The following ZDHHC14 variants were observed in gnomAD, a reference collection of about 807,000 sequenced individuals.
ZDHHC14 encodes the protein zDHHC palmitoyltransferase 14.
A neutral mutation model predicts 47.7 loss-of-function variants in ZDHHC14; 16 were observed. The ratio of observed to expected loss-of-function variants is 0.34; its 90% CI spans 0.23 to 0.51. The LOEUF is 0.51. Among genes scored for constraint, ZDHHC14 ranks in the 20% least tolerant of loss-of-function variants. The probability of loss-of-function intolerance (pLI) is 0.97; values close to 1 mark genes in which losing one functional copy is unlikely to be tolerated. For missense variants in ZDHHC14, 515 were observed against 662.5 expected, an observed-to-expected ratio of 0.78 and a Z score of 2.44; for synonymous variants, 293 against 278.9, an observed-to-expected ratio of 1.05 and a Z score of -0.50.
chr6:157,386,864 G>A (rs987394960), intron 1 of ZDHHC14, among the ~76,000 whole-genome samples: 5 of 152,152 alleles, frequency 3.3e-5, no homozygotes, highest in African/African-American at 1.2e-4. Context: ...GCCTGCTTTT[G>A]TTTACAGTTG....
intron 2 of ZDHHC14, among the ~76,000 whole-genome samples, chr6:157,569,353 T>C (rs1376772399): frequency 6.6e-6 from 1 of 152,050 alleles, no homozygotes; most frequent in Non-Finnish European, 1.5e-5. Flanking sequence ...CTATCCTAAT[T>C]TTGTTTATTT....
In ZDHHC14 at chr6:157,529,750, G is replaced by A. The variant is rs1044600812; in HGVS notation, c.246-12835G>A. ...GGTGAAAACAGGTACAGCTGTTATT[G>A]TATTCCACTAAGAAAATGTGTAGAG... On this transcript the variant is annotated intron_variant, in intron 1 of 8. Coordinates refer to ENST00000359775, the MANE Select transcript of ZDHHC14 (RefSeq NM_024630.3). Among the ~76,000 whole-genome samples the A allele has an allele frequency of 5.3e-5, 8 of 152,324 alleles. No homozygotes were observed. The East Asian group carries it at 7.7e-4, about 15-fold the overall frequency.
chr6:157,500,759 A>C (rs918749843), intron 1 of ZDHHC14, among the ~76,000 whole-genome samples: 1 of 152,236 alleles, frequency 6.6e-6, no homozygotes, highest in Non-Finnish European at 1.5e-5. Flanking sequence ...AAAGTGAAGG[A>C]TGGACAAAGC....
chr6:157,602,073 A>G (rs1264338989), intron 3 of ZDHHC14, among the ~76,000 whole-genome samples: 1 of 151,622 alleles, frequency 6.6e-6, no homozygotes, highest in Non-Finnish European at 1.5e-5. Flanking sequence ...ATGGTAGCAC[A>G]CCCCTGTAAT....
At chr6:157,591,478 G>A (rs776863982) in intron 2 of ZDHHC14, among the ~76,000 whole-genome samples, 2 of 152,118 alleles carry the variant, frequency 1.3e-5, no homozygotes, top group Non-Finnish European at 2.9e-5. Flanking sequence ...TCTCCTCCCT[G>A]CTGCCATGTG....
chr6:157,650,064 G>A lies in ZDHHC14; in HGVS notation c.965+2696G>A, dbSNP rs1244078894. Among the ~76,000 whole-genome samples, 9 of 151,046 alleles carry A rather than the reference G, an allele frequency of 6.0e-5. 1 individual carries two copies. Among genetic ancestry groups the A allele is most frequent in the Middle Eastern group, 3.4e-3 (1 of 292 alleles). On this transcript the variant is annotated intron_variant, in intron 7 of 8. Transcript: ENST00000359775. Reference sequence around the variant, plus strand: ...GAGAGGGGCTGGCTCTGTGCCAGGCGCTGTGGGTGCACGGGAGAGGGGCTG... The same window carrying A: ...GAGAGGGGCTGGCTCTGTGCCAGGCACTGTGGGTGCACGGGAGAGGGGCTG...
intron 3 of ZDHHC14, among the ~76,000 whole-genome samples, chr6:157,603,466 G>A (rs557431228): frequency 1.3e-5 from 2 of 152,246 alleles, no homozygotes; most frequent in East Asian, 3.9e-4. Context: ...AGGAAAGAGG[G>A]ACTTGACTCA....
chr6:157,577,693 G>GCACCTGGCACCA (rs1010269123), intron 2 of ZDHHC14, among the ~76,000 whole-genome samples: 2 of 152,148 alleles, frequency 1.3e-5, no homozygotes, highest in African/African-American at 4.8e-5. Flanking sequence ...GGGATTACAG[G>GCACCTGGCACCA]CACCTGGCAC....
chr6:157,589,943 A>G (rs1441806156), intron 2 of ZDHHC14, among the ~76,000 whole-genome samples: 1 of 152,194 alleles, frequency 6.6e-6, no homozygotes, highest in Non-Finnish European at 1.5e-5. Flanking sequence ...GATGTGTACA[A>G]TGAAGTCCAG....
intron 1 of ZDHHC14, among the ~76,000 whole-genome samples, chr6:157,512,528 G>A (rs1310983294): frequency 6.6e-6 from 1 of 152,212 alleles, no homozygotes; most frequent in African/African-American, 2.4e-5. Flanking sequence ...GGGAAGAAGA[G>A]CAACAATAAA....
chr6:157,508,985 G>T (rs954615206), intron 1 of ZDHHC14, among the ~76,000 whole-genome samples: 1 of 152,166 alleles, frequency 6.6e-6, no homozygotes, highest in Non-Finnish European at 1.5e-5. Context: ...GTGGTTGGAG[G>T]ACACAAGTTC....
chr6:157,444,282 C>T (rs770640619), intron 1 of ZDHHC14, among the ~76,000 whole-genome samples: 2 of 152,172 alleles, frequency 1.3e-5, no homozygotes, highest in Non-Finnish European at 2.9e-5. Context: ...CAGTCTCTGC[C>T]TTTTGTGATT....
At chr6:157,660,321 C>G (rs113741626) in intron 8 of ZDHHC14, among the ~76,000 whole-genome samples, 1 of 151,844 alleles carries the variant, frequency 6.6e-6, no homozygotes, top group South Asian at 2.1e-4. Flanking sequence ...GCCTCCCAAA[C>G]AGCTGGGATT....
intron 4 of ZDHHC14, chr6:157,630,455 ACT>A (rs898238594): frequency 2.0e-4 from 31 of 151,798 alleles, no homozygotes; most frequent in African/African-American, 6.5e-4. Context: ...ACTCACACAC[ACT>A]CACACTCTTA....
intron 2 of ZDHHC14, among the ~76,000 whole-genome samples, chr6:157,551,740 T>C (rs1479878983): frequency 6.6e-6 from 1 of 152,202 alleles, no homozygotes; most frequent in African/African-American, 2.4e-5. Context: ...TTTCAGGAGT[T>C]TTGCTAGCTA....
At position 157,474,573 on chromosome 6, in the gene ZDHHC14, A is replaced by G. The variant is rs553462733; in HGVS notation, c.246-68012A>G. Among the ~76,000 whole-genome samples the G allele has an allele frequency of 5.3e-5, 8 of 152,266 alleles. No homozygotes were observed. In the South Asian group the frequency reaches 1.2e-3, roughly 24 times the overall value. The stretch of plus-strand genomic sequence containing the variant: ...CCCATTTCTTCACATCCTTGCCAAC[A>G]CTTATCTTTTGTCTTATTGATAACA... On this transcript the variant is annotated intron_variant, in intron 1 of 8. Coordinates refer to ENST00000359775, the MANE Select transcript of ZDHHC14 (RefSeq NM_024630.3).
At chr6:157,394,546 A>G (rs1245382133) in intron 1 of ZDHHC14, among the ~76,000 whole-genome samples, 5 of 152,192 alleles carry the variant, frequency 3.3e-5, no homozygotes, top group Non-Finnish European at 7.3e-5. Flanking sequence ...CCACATAGCA[A>G]TAGAGGTGAC....
rs777568494 is a variant in ZDHHC14, at chr6:157,595,174, A to ATTTTTTTTTT, written c.565+2055_565+2064dup. Among the ~76,000 whole-genome samples the ATTTTTTTTTT allele has an allele frequency of 2.4e-4, 15 of 62,716 alleles. 2 individuals carry two copies. Among genetic ancestry groups the ATTTTTTTTTT allele is most frequent in the African/African-American group, 8.1e-4 (11 of 13,538 alleles). 41.1% of individuals were successfully genotyped at this position (62,716 alleles called of 152,430 possible). ...CCTCTGTTTCTTGTCTCTAGGCTAG[A>ATTTTTTTTTT]TTTTTTTTTTTTTTTTTTTTTTTTT... On this transcript the variant is annotated intron_variant, in intron 3 of 8. Transcript: ENST00000359775.
intron 3 of ZDHHC14, among the ~76,000 whole-genome samples, chr6:157,609,811 C>T (rs768770437): frequency 6.6e-6 from 1 of 152,262 alleles, no homozygotes; most frequent in African/African-American, 2.4e-5. Flanking sequence ...GGGCTGAAGC[C>T]AGTGGAGTTG....
Sources: gnomAD v4.1 joint callset for allele counts (sites outside exome capture counted in the v4.1 genomes callset) on GRCh38, gnomAD v4.1.1 for gene constraint, MANE v1.5 for transcripts, NCBI Gene and HGNC (gene_info 2026-07-23, HGNC 2026-07-21) for gene names.